The following CNTLN variants were observed in gnomAD, a reference collection of about 807,000 sequenced individuals.
The protein encoded by CNTLN is centlein, centrosomal protein.
In CNTLN, 212 loss-of-function variants were observed where a neutral mutation model predicts 180.0. The ratio of observed to expected loss-of-function variants is 1.18; its 90% confidence interval spans 1.05 to 1.32. CNTLN has a LOEUF of 1.32. Ranked by LOEUF, CNTLN falls within the 40% of genes most tolerant of loss-of-function variation. The probability of loss-of-function intolerance (pLI) is 0.00; values close to 1 mark genes in which losing one functional copy is unlikely to be tolerated. For synonymous variants in CNTLN, 722 were observed against 563.1 expected (o/e 1.28, Z -3.99); for missense variants, 2,095 against 1,610.9 (o/e 1.30, Z -5.14).
chr9:17,527,702 C>A, the CNTLN span, among the ~76,000 whole-genome samples: 1 of 152,118 alleles, frequency 6.6e-6, no homozygotes, highest in African/African-American at 2.4e-5. Flanking sequence ...GCACACCTAG[C>A]ACTCAGATTT....
At chr9:17,468,692 T>C (rs1410013093) in intron 23 of CNTLN, among the ~76,000 whole-genome samples, 2 of 151,766 alleles carry the variant, frequency 1.3e-5, no homozygotes, top group African/African-American at 2.4e-5. Flanking sequence ...GATTATCATA[T>C]ACTTGAAGTT....
intron 2 of CNTLN, among the ~76,000 whole-genome samples, chr9:17,221,017 T>G (rs1824097509): frequency 1.3e-5 from 2 of 152,128 alleles, no homozygotes; most frequent in South Asian, 2.1e-4. Context: ...GGAAAAGAAC[T>G]TACAAAGGAA....
intron 10 of CNTLN, among the ~76,000 whole-genome samples, chr9:17,338,742 A>G (rs1821250025): frequency 6.6e-6 from 1 of 152,164 alleles, no homozygotes; most frequent in Non-Finnish European, 1.5e-5. Flanking sequence ...CTCAAGTTCA[A>G]GACTAAATTA....
intron 2 of CNTLN, among the ~76,000 whole-genome samples, chr9:17,223,681 C>G (rs566311099): frequency 6.6e-6 from 1 of 151,986 alleles, no homozygotes; most frequent in Non-Finnish European, 1.5e-5. Flanking sequence ...TCTAACTTGT[C>G]TTTTTGCTTT....
intron 15 of CNTLN, among the ~76,000 whole-genome samples, chr9:17,397,936 C>G (rs1587882494): frequency 1.3e-5 from 2 of 152,042 alleles, no homozygotes; most frequent in Admixed American, 1.3e-4. Flanking sequence ...AATTCTTGCA[C>G]TAGAGCTTTA....
the CNTLN span, among the ~76,000 whole-genome samples, chr9:17,516,443 C>A: frequency 6.6e-6 from 1 of 152,154 alleles, no homozygotes; most frequent in Non-Finnish European, 1.5e-5. Context: ...AACCTTCAGA[C>A]ATGAAGACCC....
At position 17,361,425 on chromosome 9, in the gene CNTLN, A is replaced by T. The variant is rs112672146; in HGVS notation, c.1887-5192A>T. Among the ~76,000 whole-genome samples the T allele has an allele frequency of 3.0e-3, 453 of 152,284 alleles. 4 individuals are homozygous for T. Among genetic ancestry groups the T allele is most frequent in the African/African-American group, 0.01 (429 of 41,556 alleles). On this transcript the variant is annotated intron_variant, in intron 12 of 25. Coordinates refer to ENST00000380647, the MANE Select transcript of CNTLN (RefSeq NM_017738.4). ...ATTCTCTCTTCTCTGACTGGTCGCA[A>T]CTCAAATGTATCCCAATCCTGTGTG...
At chr9:17,485,600 T>C (rs2383022) in intron 24 of CNTLN, among the ~76,000 whole-genome samples, 48,089 of 152,018 alleles carry the variant, frequency 0.32, 8,048 homozygotes, top group Admixed American at 0.39. Context: ...AATTAAAATA[T>C]GTCGATTGAT....
Position 17,135,156 on chromosome 9 carries a change from G to C in CNTLN, c.91G>C (p.Val31Leu), listed in dbSNP as rs774698242. 2 of 1,609,426 alleles carry C rather than the reference G, an allele frequency of 1.2e-6. No individual in the cohort carries two copies. Among genetic ancestry groups the C allele is most frequent in the African/African-American group, 1.3e-5 (1 of 75,038 alleles). The change falls in exon 1 of 26, where the codon GTA becomes CTA. Residue 31 changes from valine (V) to leucine (L), a missense_variant. Coordinates refer to ENST00000380647, the MANE Select transcript of CNTLN (RefSeq NM_017738.4). Reference sequence around the variant, plus strand: ...CCCACGTGTTGGGCGGGGAGCTGAAGTACACGCAATGCGCAGCGAGGCCTC... The same window carrying C: ...CCCACGTGTTGGGCGGGGAGCTGAACTACACGCAATGCGCAGCGAGGCCTC... ...RSPRVGRGAEVHAMRSEASGF... is the reference protein window; with the variant it reads ...RSPRVGRGAELHAMRSEASGF...
At chr9:17,373,369 C>T (rs1824487331) in intron 13 of CNTLN, among the ~76,000 whole-genome samples, 1 of 152,048 alleles carries the variant, frequency 6.6e-6, no homozygotes, top group African/African-American at 2.4e-5. Flanking sequence ...AAGCTAATTC[C>T]ATTTACAGCA....
At chr9:17,222,126 A>G (rs1478747182) in intron 2 of CNTLN, among the ~76,000 whole-genome samples, 1 of 152,070 alleles carries the variant, frequency 6.6e-6, no homozygotes, top group African/African-American at 2.4e-5. Context: ...AAAAAAAACA[A>G]AAACAAAAAC....
At chr9:17,264,651 C>T (rs372458164) in intron 5 of CNTLN, among the ~76,000 whole-genome samples, 7 of 152,300 alleles carry the variant, frequency 4.6e-5, no homozygotes, top group South Asian at 2.1e-4. Flanking sequence ...GCCATTTTCA[C>T]GATATTGATT....
intron 2 of CNTLN, among the ~76,000 whole-genome samples, chr9:17,161,936 T>G (rs958718584): frequency 6.6e-6 from 1 of 152,162 alleles, no homozygotes; most frequent in Non-Finnish European, 1.5e-5. Context: ...TAATCTTTTT[T>G]GTGTTACTTT....
At chr9:17,361,047 G>GT (rs949147138) in intron 12 of CNTLN, among the ~76,000 whole-genome samples, 10 of 151,818 alleles carry the variant, frequency 6.6e-5, no homozygotes, top group South Asian at 4.2e-4. Context: ...AATATCTTCA[G>GT]TTTTTTTTCC....
At chr9:17,344,214 G>A (rs569943436) in intron 12 of CNTLN, among the ~76,000 whole-genome samples, 1 of 152,102 alleles carries the variant, frequency 6.6e-6, no homozygotes, top group East Asian at 1.9e-4. Flanking sequence ...TAAAATTAGA[G>A]AACTCAGAAT....
At chr9:17,474,799 C>T (rs1020919903) in intron 23 of CNTLN, among the ~76,000 whole-genome samples, 3 of 150,336 alleles carry the variant, frequency 2.0e-5, no homozygotes, top group Non-Finnish European at 4.4e-5. Context: ...ACCTGGGAGG[C>T]GGAGGTCGCA....
At chr9:17,211,650 T>A (rs1215913001) in intron 2 of CNTLN, among the ~76,000 whole-genome samples, 3 of 152,204 alleles carry the variant, frequency 2.0e-5, no homozygotes, top group Non-Finnish European at 2.9e-5. Flanking sequence ...TTGGGCAGTA[T>A]GGCCATTTTC....
chr9:17,310,251 AT>A (rs1051990646), intron 8 of CNTLN, among the ~76,000 whole-genome samples: 8 of 152,100 alleles, frequency 5.3e-5, no homozygotes, highest in African/African-American at 1.7e-4. Context: ...TATCATTTTG[AT>A]TTTTTTAAAC....
intron 6 of CNTLN, among the ~76,000 whole-genome samples, chr9:17,295,695 C>A (rs1817846767): frequency 6.6e-6 from 1 of 152,102 alleles, no homozygotes; most frequent in Non-Finnish European, 1.5e-5. Flanking sequence ...AAATTCAGTG[C>A]TTTCCGCTGG....
Sources: allele counts gnomAD v4.1 joint callset (sites outside exome capture counted in the v4.1 genomes callset), GRCh38; gene constraint gnomAD v4.1.1; transcripts MANE v1.5; gene names NCBI Gene and HGNC (gene_info 2026-07-23, HGNC 2026-07-21).